Variants in FGF12 observed in about 807,000 individuals in gnomAD.
The protein encoded by FGF12 is fibroblast growth factor 12B.
Under a neutral mutation model 23.6 loss-of-function variants are expected in FGF12, and 14 were observed. The ratio of observed to expected loss-of-function variants is 0.59; its 90% CI spans 0.39 to 0.93. The LOEUF (loss-of-function observed/expected upper bound fraction) is 0.93. Among genes scored for constraint, FGF12 ranks in the 40% least tolerant of loss-of-function variants. The probability of loss-of-function intolerance (pLI) is 0.00; values close to 1 mark genes in which losing one functional copy is unlikely to be tolerated. For missense variants in FGF12, 175 were observed against 217.8 expected (o/e 0.80, Z 1.24); for synonymous variants, 62 against 77.3 (o/e 0.80, Z 1.04).
intron 2 of FGF12, among the ~76,000 whole-genome samples, chr3:192,417,153 T>A (rs1721383518): frequency 6.6e-6 from 1 of 152,058 alleles, no homozygotes; most frequent in Non-Finnish European, 1.5e-5. Flanking sequence ...TGGTTGAGTA[T>A]GCTAATGGCA....
At chr3:192,324,492 C>T (rs1716714643) in intron 4 of FGF12, among the ~76,000 whole-genome samples, 1 of 152,182 alleles carries the variant, frequency 6.6e-6, no homozygotes, top group South Asian at 2.1e-4. Flanking sequence ...ATACACTGCC[C>T]TAGGGCTTTA....
intron 2 of FGF12, among the ~76,000 whole-genome samples, chr3:192,674,661 T>G (rs989512): frequency 0.7 from 106,249 of 152,090 alleles, 37,993 homozygotes; most frequent in East Asian, 0.85. Context: ...TGTCAAATGA[T>G]TACTCTCCAA....
intron 4 of FGF12, among the ~76,000 whole-genome samples, chr3:192,249,937 C>T (rs1408338063): frequency 6.6e-6 from 1 of 152,154 alleles, no homozygotes; most frequent in East Asian, 1.9e-4. Flanking sequence ...TACACTACAA[C>T]AAAAAGCAAC....
chr3:192,323,569 G>C (rs1051231141), intron 4 of FGF12, among the ~76,000 whole-genome samples: 3 of 152,168 alleles, frequency 2.0e-5, no homozygotes, highest in Admixed American at 6.5e-5. Context: ...AGGAAAGGGG[G>C]ACATGGGGAG....
chr3:192,496,914 T>C (rs1723975057), intron 2 of FGF12, among the ~76,000 whole-genome samples: 2 of 152,326 alleles, frequency 1.3e-5, no homozygotes, highest in African/African-American at 2.4e-5. Context: ...ATATAGAACA[T>C]TGCAGGCTTA....
At chr3:192,383,607 G>A (rs1719920655) in intron 2 of FGF12, among the ~76,000 whole-genome samples, 1 of 151,446 alleles carries the variant, frequency 6.6e-6, no homozygotes. Context: ...AGAAAGAAAG[G>A]ACATTATTCT....
At chr3:192,215,632 G>A (rs6764140) in intron 4 of FGF12, among the ~76,000 whole-genome samples, 51,110 of 151,960 alleles carry the variant, frequency 0.34, 9,689 homozygotes, top group East Asian at 0.89. Flanking sequence ...TTATCTCCTA[G>A]CAGGTCTTCT....
rs959761020 is a variant in FGF12 at position 192,336,716 on chromosome 3, C to T, written c.125-1252G>A. ...TTAATACAAGATACACATAAATTAACCCAAGGGCTACCATTATTTAGGGAT... is the reference window on the plus strand; with the variant it reads ...TTAATACAAGATACACATAAATTAATCCAAGGGCTACCATTATTTAGGGAT... On this transcript the variant is annotated intron_variant, in intron 3 of 5. Coordinates refer to ENST00000445105, the MANE Select transcript of FGF12 (RefSeq NM_004113.6). This position sits in a 1 kb window ranked among gnomAD's most constrained non-coding sequence, Gnocchi z 4.3. Among the ~76,000 whole-genome samples the T allele has an allele frequency of 6.6e-6, 1 of 152,052 alleles. No individual in the cohort carries two copies. The highest frequency in any genetic ancestry group is 6.6e-5 in the Admixed American group (1 of 15,232).
intron 2 of FGF12, among the ~76,000 whole-genome samples, chr3:192,559,733 T>C (rs1170540567): frequency 6.6e-6 from 1 of 152,058 alleles, no homozygotes; most frequent in African/African-American, 2.4e-5. Flanking sequence ...TTGATAGTAA[T>C]GGAGGTTGTG....
intron 2 of FGF12, among the ~76,000 whole-genome samples, chr3:192,387,231 T>C (rs1234146191): frequency 6.6e-6 from 1 of 152,156 alleles, no homozygotes; most frequent in Non-Finnish European, 1.5e-5. Flanking sequence ...AATATTCTAT[T>C]ATATCTCACA....
In FGF12 at chr3:192,142,229, A is replaced by T. The variant is rs1187559242; in HGVS notation, c.*1780T>A. On this transcript the variant is annotated 3_prime_UTR_variant, in exon 6 of 6. Transcript: ENST00000445105. Reference sequence around the variant, plus strand: ...TTTCTGCTAACCTCTAGATAACAGAAATAGGATACCTGGTGAAGGATATGG... The same window carrying T: ...TTTCTGCTAACCTCTAGATAACAGATATAGGATACCTGGTGAAGGATATGG... The T allele has an allele frequency of 6.6e-6, 1 of 152,570 alleles. No individual in the cohort carries two copies. The highest frequency in any genetic ancestry group is 1.9e-4 in the East Asian group (1 of 5,202). 9.5% of individuals were successfully genotyped at this position (152,570 alleles called of 1,614,324 possible).
At chr3:192,383,228 G>A (rs1344052883) in intron 2 of FGF12, among the ~76,000 whole-genome samples, 1 of 152,182 alleles carries the variant, frequency 6.6e-6, no homozygotes, top group Non-Finnish European at 1.5e-5. Context: ...CTGAGCTAAT[G>A]AACATACTTC....
intron 2 of FGF12, among the ~76,000 whole-genome samples, chr3:192,576,139 T>C (rs951731037): frequency 1.3e-5 from 2 of 152,216 alleles, no homozygotes; most frequent in Non-Finnish European, 2.9e-5. Context: ...TTCCAGCACA[T>C]TTATGCAGCC....
At position 192,514,798 on chromosome 3, in the gene FGF12, C is replaced by G. The variant is rs947827547; in HGVS notation, c.14-154260G>C. ...TGGGGTTGGTCAACTCCCCGCCCAC[C>G]TGCGCTAGTAGTCCAACCAACAGGC... On this transcript the variant is annotated intron_variant, in intron 2 of 5. Coordinates refer to ENST00000445105, the MANE Select transcript of FGF12 (RefSeq NM_004113.6). This position sits in a 1 kb window ranked among gnomAD's most constrained non-coding sequence, Gnocchi z 4.9. 1.0e-6 allele frequency: 1 copy of G among 985,404 alleles called. No homozygotes were observed. Among genetic ancestry groups the G allele is most frequent in the African/African-American group, 1.7e-5 (1 of 57,352 alleles). The allele number at this position is 985,404 out of a possible 1,614,324, so 61.0% of individuals were successfully genotyped here. A position where few individuals can be genotyped will look rare whatever the true frequency, so the allele number is the denominator to read the frequency against.
intron 4 of FGF12, among the ~76,000 whole-genome samples, chr3:192,179,112 C>T (rs1386878765): frequency 6.6e-6 from 1 of 151,890 alleles, no homozygotes; most frequent in African/African-American, 2.4e-5. Context: ...TATTGTTTTC[C>T]ATCCTGACAA....
rs1020017034 is a variant in FGF12 at position 192,514,427 on chromosome 3, C to G, written c.14-153889G>C. 1.3e-5 allele frequency among the ~76,000 whole-genome samples: 2 copies of G among 152,198 alleles called. No individual in the cohort carries two copies. Among genetic ancestry groups the G allele is most frequent in the Non-Finnish European group, 2.9e-5 (2 of 68,036 alleles). On this transcript the variant is annotated intron_variant, in intron 2 of 5. Coordinates refer to ENST00000445105, the MANE Select transcript of FGF12 (RefSeq NM_004113.6). This position sits in a 1 kb window ranked among gnomAD's most constrained non-coding sequence, Gnocchi z 4.9. Reference sequence around the variant, plus strand: ...AGACCCGCAGGTTTCAGCCCAGGCGCGCCCGGCGAAAGCCAACGCGCTCTC... The same window carrying G: ...AGACCCGCAGGTTTCAGCCCAGGCGGGCCCGGCGAAAGCCAACGCGCTCTC...
rs372283645 is a variant in FGF12 at position 192,147,613 on chromosome 3, A to G, written c.428-3486T>C. 3.3e-5 allele frequency among the ~76,000 whole-genome samples: 5 copies of G among 152,310 alleles called. No homozygotes were observed. In the East Asian group the frequency reaches 9.6e-4, roughly 29 times the overall value. ...TTTAAATTGATTAACTAAATTTTACAATTATAACCCAGTGAATATAGTAGG... is the reference window on the plus strand; with the variant it reads ...TTTAAATTGATTAACTAAATTTTACGATTATAACCCAGTGAATATAGTAGG... On this transcript the variant is annotated intron_variant, in intron 5 of 5. Coordinates refer to ENST00000445105, the MANE Select transcript of FGF12 (RefSeq NM_004113.6).
chr3:192,499,830 G>T (rs1195324624), intron 2 of FGF12, among the ~76,000 whole-genome samples: 2 of 151,964 alleles, frequency 1.3e-5, no homozygotes, highest in South Asian at 2.1e-4. Context: ...TTACAGGTGT[G>T]AGCCACCGTG....
rs562652940 is a variant in FGF12 at position 192,195,338 on chromosome 3, A to G, written c.229-24682T>C. ...ATACAGTTATACGTATTTATCGTGT[A>G]CAACATGATGTTTTGAAATACAGTC... On this transcript the variant is annotated intron_variant, in intron 4 of 5. Transcript: ENST00000445105. 7.2e-5 allele frequency among the ~76,000 whole-genome samples: 11 copies of G among 152,350 alleles called. No homozygotes were observed. In the East Asian group the frequency reaches 1.7e-3, roughly 24 times the overall value.
Sources: gnomAD v4.1 joint callset for allele counts (sites outside exome capture counted in the v4.1 genomes callset) on GRCh38, gnomAD v4.1.1 for gene constraint, Gnocchi (gnomAD v3.1) non-coding constraint, MANE v1.5 for transcripts, NCBI Gene and HGNC (gene_info 2026-07-23, HGNC 2026-07-21) for gene names.